CNTNAP2: variants seen among roughly 807,000 people sequenced by gnomAD.
CNTNAP2 encodes the protein contactin associated protein 2, also known as contactin-associated protein-like 2.
In CNTNAP2, 98 loss-of-function variants were observed where a neutral mutation model predicts 155.2. That is an observed-to-expected ratio of 0.63 (90% CI 0.54 to 0.75). The LOEUF (loss-of-function observed/expected upper bound fraction) is 0.75, where lower values mean the gene tolerates loss of function less well. Among genes scored for constraint, CNTNAP2 ranks in the 30% least tolerant of loss-of-function variants. CNTNAP2 has a pLI of 0.00. For missense variants in CNTNAP2, 1,727 were observed against 1,688.1 expected, an observed-to-expected ratio of 1.02 and a Z score of -0.40; for synonymous variants, 651 against 631.2, an observed-to-expected ratio of 1.03 and a Z score of -0.47.
chr7:147,172,804 C>T (rs903653023), intron 8 of CNTNAP2, among the ~76,000 whole-genome samples: 6 of 152,268 alleles, frequency 3.9e-5, no homozygotes, highest in Middle Eastern at 3.4e-3. Flanking sequence ...CTCATATGCA[C>T]GAGTTCCTTG....
chr7:147,284,328 A>G (rs2116732289), intron 8 of CNTNAP2, among the ~76,000 whole-genome samples: 1 of 151,914 alleles, frequency 6.6e-6, no homozygotes, highest in East Asian at 1.9e-4. Flanking sequence ...GAGGACAGAG[A>G]GAGAAAGCAA....
At chr7:146,284,377 T>C (rs1037217687) in intron 1 of CNTNAP2, among the ~76,000 whole-genome samples, 9 of 151,866 alleles carry the variant, frequency 5.9e-5, no homozygotes, top group Non-Finnish European at 1.2e-4. Context: ...AAATATATTA[T>C]ATATTAAATT....
At chr7:146,452,487 G>A (rs1467046253) in intron 1 of CNTNAP2, among the ~76,000 whole-genome samples, 2 of 152,070 alleles carry the variant, frequency 1.3e-5, no homozygotes, top group African/African-American at 2.4e-5. Flanking sequence ...GTATAAATTT[G>A]TTCGATAACA....
chr7:147,336,914 G>A (rs1795674125), intron 9 of CNTNAP2, among the ~76,000 whole-genome samples: 1 of 151,996 alleles, frequency 6.6e-6, no homozygotes, highest in African/African-American at 2.4e-5. Context: ...AGGGACATTG[G>A]CAGAATTTTA....
chr7:148,280,441 AC>A (rs1005903139), intron 21 of CNTNAP2, among the ~76,000 whole-genome samples: 6 of 152,220 alleles, frequency 3.9e-5, no homozygotes, highest in African/African-American at 1.4e-4. Flanking sequence ...ATACAAGAGT[AC>A]AAAATCTGAA....
intron 15 of CNTNAP2, 32 bp from the exon 16 acceptor site, chr7:148,118,086 G>A (rs751716588): frequency 4.3e-6 from 7 of 1,611,930 alleles, no homozygotes; most frequent in Non-Finnish European, 5.9e-6. Context: ...CAGGGTGTGA[G>A]TTAACCTGAT....
At chr7:148,171,219 A>G (rs1016727331) in intron 17 of CNTNAP2, among the ~76,000 whole-genome samples, 1 of 152,212 alleles carries the variant, frequency 6.6e-6, no homozygotes, top group African/African-American at 2.4e-5. Context: ...TACTGTATAT[A>G]GAGTGCCTAG....
At chr7:146,930,775 G>T (rs1352321373) in intron 3 of CNTNAP2, among the ~76,000 whole-genome samples, 2 of 151,926 alleles carry the variant, frequency 1.3e-5, no homozygotes, top group Non-Finnish European at 2.9e-5. Flanking sequence ...AAAAAGGCAG[G>T]GTTTGCAATC....
rs1461674290 is a variant in CNTNAP2, at chr7:146,391,821, A to T, written c.97+274848A>T. Among the ~76,000 whole-genome samples the T allele has an allele frequency of 4.4e-4, 67 of 152,078 alleles. 1 individual carries two copies. Among genetic ancestry groups the T allele is most frequent in the Non-Finnish European group, 1.5e-5 (1 of 68,008 alleles). ...ATGGACACATACAGGAGAACAACAC[A>T]CACTGGGACTTTTTGGAGGATAGAG... is the stretch of plus-strand genomic sequence containing the variant. On this transcript the variant is annotated intron_variant, in intron 1 of 23. Transcript: ENST00000361727.
chr7:147,347,993 A>G (rs1795905973), intron 9 of CNTNAP2, among the ~76,000 whole-genome samples: 1 of 152,034 alleles, frequency 6.6e-6, no homozygotes. Flanking sequence ...AAAAGAATGA[A>G]ACTAGACCCC....
intron 13 of CNTNAP2, among the ~76,000 whole-genome samples, chr7:147,644,903 T>G (rs1046965009): frequency 2.0e-5 from 3 of 152,196 alleles, no homozygotes; most frequent in African/African-American, 7.2e-5. Context: ...TATATTTATT[T>G]AATTGTAGAG....
chr7:146,232,926 C>T (rs1313560640), intron 1 of CNTNAP2, among the ~76,000 whole-genome samples: 3 of 152,066 alleles, frequency 2.0e-5, no homozygotes. Flanking sequence ...CCCTTAGGCT[C>T]CAGTTAAGGT....
chr7:146,235,267 G>T (rs573805478), intron 1 of CNTNAP2, among the ~76,000 whole-genome samples: 123 of 151,550 alleles, frequency 8.1e-4, no homozygotes, highest in Non-Finnish European at 1.4e-3. Context: ...GTGGGTTTTG[G>T]GGGAGGGTGG....
intron 8 of CNTNAP2, among the ~76,000 whole-genome samples, chr7:147,297,294 C>G (rs896944402): frequency 6.6e-6 from 1 of 150,384 alleles, no homozygotes; most frequent in African/African-American, 2.5e-5. Context: ...TTCACACCCA[C>G]TATGTACCAG....
chr7:146,663,977 G>C (rs1335406885), intron 1 of CNTNAP2, among the ~76,000 whole-genome samples: 2 of 152,062 alleles, frequency 1.3e-5, no homozygotes, highest in Non-Finnish European at 2.9e-5. Flanking sequence ...TCTTTTCCCA[G>C]TAAGTATGTT....
At chr7:146,470,923 G>A (rs1033994738) in intron 1 of CNTNAP2, among the ~76,000 whole-genome samples, 2 of 151,946 alleles carry the variant, frequency 1.3e-5, no homozygotes, top group Non-Finnish European at 2.9e-5. Flanking sequence ...AAGTAGCCCA[G>A]CCAGATAAGA....
intron 12 of CNTNAP2, among the ~76,000 whole-genome samples, chr7:147,577,112 T>TG (rs1563005343): frequency 6.6e-6 from 1 of 152,106 alleles, no homozygotes; most frequent in Non-Finnish European, 1.5e-5. Flanking sequence ...ATGGTTACTT[T>TG]CACGTGACCA....
chr7:147,613,661 A>T (rs546957937), intron 12 of CNTNAP2, among the ~76,000 whole-genome samples: 45 of 152,062 alleles, frequency 3.0e-4, no homozygotes, highest in African/African-American at 9.2e-4. Flanking sequence ...GGCCAACATG[A>T]TGAAACCCCG....
At chr7:148,194,853 T>C (rs1795251791) in intron 18 of CNTNAP2, among the ~76,000 whole-genome samples, 1 of 152,222 alleles carries the variant, frequency 6.6e-6, no homozygotes, top group African/African-American at 2.4e-5. Flanking sequence ...GCAGATCTAC[T>C]ATACTCAGCC....
Sources: allele counts gnomAD v4.1 joint callset (sites outside exome capture counted in the v4.1 genomes callset), GRCh38; gene constraint gnomAD v4.1.1; transcripts MANE v1.5; gene names NCBI Gene and HGNC (gene_info 2026-07-23, HGNC 2026-07-21).